The following ERC1 variants were observed in gnomAD, a reference collection of about 807,000 sequenced individuals.
The protein encoded by ERC1 is RAB6 interacting protein 2.
ERC1 carries 56 observed loss-of-function variants against 132.0 expected under a neutral mutation model. The ratio of observed to expected loss-of-function variants is 0.42; its 90% CI spans 0.34 to 0.53. The LOEUF (loss-of-function observed/expected upper bound fraction) is 0.53. Ranked by LOEUF, ERC1 falls within the 20% of genes least tolerant of loss-of-function variation. ERC1 has a pLI of 0.03. For missense variants in ERC1, 1,202 were observed against 1,349.9 expected (o/e 0.89, Z 1.72); for synonymous variants, 478 against 476.1 (o/e 1.00, Z -0.05).
intron 4 of ERC1, among the ~76,000 whole-genome samples, chr12:1,105,860 T>A (rs1200502267): frequency 6.6e-6 from 1 of 152,256 alleles, no homozygotes; most frequent in Non-Finnish European, 1.5e-5. Flanking sequence ...CCATCATTGC[T>A]GTATATCTTT....
rs1297564642 is a variant in ERC1 at position 1,493,214 on chromosome 12, T to A, written c.*2984T>A. The A allele has an allele frequency of 5.1e-6, 1 of 195,300 alleles. No homozygotes were observed. Among genetic ancestry groups the A allele is most frequent in the Non-Finnish European group, 1.1e-5 (1 of 93,870 alleles). The allele number at this position is 195,300 out of a possible 1,614,324, so 12.1% of individuals were successfully genotyped here. On this transcript the variant is annotated 3_prime_UTR_variant, in exon 19 of 19. Transcript: ENST00000360905. ...GCAAGGACTTTGATACCATTTGAAATGGAAAAATTTTGAACGGGCTTTAAC... is the reference window on the plus strand; with the variant it reads ...GCAAGGACTTTGATACCATTTGAAAAGGAAAAATTTTGAACGGGCTTTAAC...
intron 15 of ERC1, among the ~76,000 whole-genome samples, chr12:1,320,104 C>T (rs1305093877): frequency 6.6e-6 from 1 of 152,080 alleles, no homozygotes; most frequent in Non-Finnish European, 1.5e-5. Context: ...TTTATTTCAT[C>T]CTTTCTTGGT....
rs141757454 is a variant in ERC1, at chr12:1,181,934, A to G, written c.1885A>G (p.Ile629Val). 8.2e-4 allele frequency: 1,320 copies of G among 1,613,592 alleles called. 11 individuals carry two copies. In the African/African-American group the frequency reaches 0.016, roughly 20 times the overall value. ...EEALAEKERT[I>V]ERLKEQRDRD... ...TATATTCTCTCATCAGGAGCGGACA[A>G]TTGAACGCTTAAAGGAGCAGAGGGA... is the stretch of plus-strand genomic sequence containing the variant. The change falls in exon 10 of 19, where the codon ATT becomes GTT. Residue 629 changes from isoleucine to valine, a missense_variant. Transcript: ENST00000360905.
intron 15 of ERC1, among the ~76,000 whole-genome samples, chr12:1,343,391 C>T (rs1003297835): frequency 6.6e-6 from 1 of 152,130 alleles, no homozygotes; most frequent in African/African-American, 2.4e-5. Context: ...TTCCAGTGCT[C>T]CGCTGATTAT....
At chr12:1,288,881 A>G (rs1397153037) in intron 14 of ERC1, among the ~76,000 whole-genome samples, 1 of 152,098 alleles carries the variant, frequency 6.6e-6, no homozygotes, top group Non-Finnish European at 1.5e-5. Context: ...AATAATTCTG[A>G]TTTGGTAGCC....
intron 18 of ERC1, among the ~76,000 whole-genome samples, chr12:1,469,508 T>C (rs1200142330): frequency 6.6e-6 from 1 of 152,180 alleles, no homozygotes; most frequent in African/African-American, 2.4e-5. Context: ...CCTTCCAGAG[T>C]GCTTGCTGTG....
intron 12 of ERC1, among the ~76,000 whole-genome samples, chr12:1,204,291 A>G (rs1957166186): frequency 6.6e-6 from 1 of 152,056 alleles, no homozygotes; most frequent in Admixed American, 6.6e-5. Flanking sequence ...ATTAAAATAC[A>G]ATGGTGTAAT....
intron 2 of ERC1, among the ~76,000 whole-genome samples, chr12:1,047,232 C>G (rs1971211815): frequency 6.6e-6 from 1 of 152,100 alleles, no homozygotes; most frequent in Admixed American, 6.6e-5. Flanking sequence ...AACTGTTTCT[C>G]TATCATAAAT....
At chr12:997,349 C>T (rs189479451) in intron 1 of ERC1, among the ~76,000 whole-genome samples, 9 of 152,294 alleles carry the variant, frequency 5.9e-5, no homozygotes, top group African/African-American at 1.9e-4. Context: ...AAAGTACGAA[C>T]ATATGTGTCC....
intron 17 of ERC1, among the ~76,000 whole-genome samples, chr12:1,409,393 G>A (rs2091709116): frequency 6.6e-6 from 1 of 152,154 alleles, no homozygotes; most frequent in African/African-American, 2.4e-5. Context: ...ATGAAAACAG[G>A]TTTTTGATAA....
At chr12:1,331,396 G>A (rs922243631) in intron 15 of ERC1, among the ~76,000 whole-genome samples, 2 of 152,078 alleles carry the variant, frequency 1.3e-5, no homozygotes. Flanking sequence ...TATTTGTCTA[G>A]CAGTTATCCA....
chr12:1,357,339 G>A (rs549744624), intron 15 of ERC1, among the ~76,000 whole-genome samples: 4 of 152,128 alleles, frequency 2.6e-5, no homozygotes, highest in South Asian at 2.1e-4. Flanking sequence ...AAGCCCCCTC[G>A]GTAGCACAGT....
At chr12:1,392,485 C>T (rs776487976) in intron 16 of ERC1, among the ~76,000 whole-genome samples, 1 of 152,134 alleles carries the variant, frequency 6.6e-6, no homozygotes, top group Non-Finnish European at 1.5e-5. Context: ...TTCATTACTA[C>T]CTCATCCCTT....
chr12:1,331,614 A>T (rs772948153), intron 15 of ERC1, among the ~76,000 whole-genome samples: 1 of 152,162 alleles, frequency 6.6e-6, no homozygotes, highest in East Asian at 1.9e-4. Context: ...TTATGCCCTG[A>T]TCCTAACAAA....
chr12:1,058,757 G>T (rs1973464287), intron 2 of ERC1, among the ~76,000 whole-genome samples: 1 of 141,634 alleles, frequency 7.1e-6, no homozygotes, highest in African/African-American at 2.6e-5. Context: ...GATATGGATT[G>T]CATTGAATCT....
intron 18 of ERC1, among the ~76,000 whole-genome samples, chr12:1,465,010 G>C (rs965800057): frequency 6.6e-6 from 1 of 151,986 alleles, no homozygotes; most frequent in Admixed American, 6.6e-5. Flanking sequence ...TGTGTTGAAC[G>C]TATTCCCATG....
chr12:1,065,948 T>C (rs939686082), intron 2 of ERC1, among the ~76,000 whole-genome samples: 1 of 152,204 alleles, frequency 6.6e-6, no homozygotes, highest in Admixed American at 6.5e-5. Context: ...CGTGTATATG[T>C]AATATATTTT....
intron 4 of ERC1, among the ~76,000 whole-genome samples, chr12:1,105,352 T>A (rs996793631): frequency 6.6e-5 from 10 of 152,088 alleles, no homozygotes; most frequent in South Asian, 2.1e-4. Context: ...GATTTTTTTT[T>A]ATTATTTTTT....
chr12:1,311,088 A>G (rs1243568876), intron 15 of ERC1, among the ~76,000 whole-genome samples: 1 of 152,252 alleles, frequency 6.6e-6, no homozygotes, highest in Admixed American at 6.5e-5. Flanking sequence ...CAAAGGAAAC[A>G]TTTTATAAGG....
Sources: allele counts gnomAD v4.1 joint callset (sites outside exome capture counted in the v4.1 genomes callset), GRCh38; gene constraint gnomAD v4.1.1; transcripts MANE v1.5; gene names NCBI Gene and HGNC (gene_info 2026-07-23, HGNC 2026-07-21).